Variants in ATP10B observed in about 807,000 individuals in gnomAD.
The protein encoded by ATP10B is phospholipid-transporting ATPase VB.
A neutral mutation model predicts 141.2 loss-of-function variants in ATP10B; 122 were observed. The ratio of observed to expected loss-of-function variants is 0.86; its 90% CI spans 0.75 to 1.00. The LOEUF (loss-of-function observed/expected upper bound fraction) is 1.00. Ranked by LOEUF, ATP10B falls within the 50% of genes least tolerant of loss-of-function variation. The probability of loss-of-function intolerance (pLI) is 0.00; values close to 1 mark genes in which losing one functional copy is unlikely to be tolerated. For missense variants in ATP10B, 1,876 were observed against 1,825.3 expected (o/e 1.03, Z -0.51); for synonymous variants, 685 against 692.0 (o/e 0.99, Z 0.16).
intron 1 of ATP10B, among the ~76,000 whole-genome samples, chr5:160,827,149 A>G (rs963623953): frequency 6.6e-6 from 1 of 152,186 alleles, no homozygotes; most frequent in Non-Finnish European, 1.5e-5. Flanking sequence ...TCAGGTGGGC[A>G]TCATGGTCCT....
chr5:160,893,668 T>A, the ATP10B span, among the ~76,000 whole-genome samples: 1 of 152,178 alleles, frequency 6.6e-6, no homozygotes, highest in Non-Finnish European at 1.5e-5. Flanking sequence ...GAGCGGTGGA[T>A]CTCCCAGCAC....
chr5:160,838,298 C>G (rs1342275608), intron 1 of ATP10B, among the ~76,000 whole-genome samples: 1 of 152,068 alleles, frequency 6.6e-6, no homozygotes, highest in Admixed American at 6.6e-5. Flanking sequence ...GAAAACAGCC[C>G]ACCTACACCA....
At chr5:160,748,155 G>A (rs917480842) in intron 2 of ATP10B, among the ~76,000 whole-genome samples, 2 of 152,144 alleles carry the variant, frequency 1.3e-5, no homozygotes. Flanking sequence ...GATTACTGCA[G>A]TACCGCTTTT....
At chr5:160,915,073 G>A in the ATP10B span, among the ~76,000 whole-genome samples, 6 of 152,176 alleles carry the variant, frequency 3.9e-5, no homozygotes, top group Admixed American at 6.5e-5. Flanking sequence ...TTCAGAATCA[G>A]GAGTCCTGGG....
chr5:160,744,143 C>T (rs942986089), intron 2 of ATP10B, among the ~76,000 whole-genome samples: 36 of 152,124 alleles, frequency 2.4e-4, no homozygotes, highest in Non-Finnish European at 4.0e-4. Flanking sequence ...CCTCATCATA[C>T]GAATTAAATA....
the ATP10B span, among the ~76,000 whole-genome samples, chr5:160,885,889 C>A: frequency 6.6e-6 from 1 of 152,146 alleles, no homozygotes; most frequent in Non-Finnish European, 1.5e-5. Context: ...AGATACACGT[C>A]CTCTTGCTCC....
intron 13 of ATP10B, among the ~76,000 whole-genome samples, chr5:160,627,069 A>G (rs1395449117): frequency 1.3e-5 from 2 of 151,960 alleles, no homozygotes; most frequent in Non-Finnish European, 2.9e-5. Flanking sequence ...ACAATTCTCC[A>G]TCTTGCTTCT....
At chr5:160,744,341 C>T (rs1177966677) in intron 2 of ATP10B, among the ~76,000 whole-genome samples, 1 of 152,178 alleles carries the variant, frequency 6.6e-6, no homozygotes, top group African/African-American at 2.4e-5. Flanking sequence ...TGTCATTTCT[C>T]CCAGACCCCA....
chr5:160,746,199 C>T (rs190887649), intron 2 of ATP10B, among the ~76,000 whole-genome samples: 17 of 152,298 alleles, frequency 1.1e-4, no homozygotes, highest in African/African-American at 4.1e-4. Flanking sequence ...CTATCTCTCT[C>T]ACATCCCTGC....
At chr5:160,898,048 G>A in the ATP10B span, among the ~76,000 whole-genome samples, 1 of 152,120 alleles carries the variant, frequency 6.6e-6, no homozygotes, top group Non-Finnish European at 1.5e-5. Context: ...ACTCAAGATG[G>A]ATTAAAGACT....
At chr5:160,585,018 ATC>A (rs1241578221) in intron 24 of ATP10B, among the ~76,000 whole-genome samples, 1 of 152,234 alleles carries the variant, frequency 6.6e-6, no homozygotes, top group African/African-American at 2.4e-5. Context: ...ATTATGATAT[ATC>A]CAGGCAATAC....
At chr5:160,819,821 A>C (rs73305807) in intron 1 of ATP10B, among the ~76,000 whole-genome samples, 1 of 152,158 alleles carries the variant, frequency 6.6e-6, no homozygotes, top group African/African-American at 2.4e-5. Flanking sequence ...ATCAAAAAAC[A>C]TATAATGGAT....
chr5:160,896,026 C>A, the ATP10B span, among the ~76,000 whole-genome samples: 1 of 152,192 alleles, frequency 6.6e-6, no homozygotes, highest in South Asian at 2.1e-4. Context: ...ATACTGGAAT[C>A]TCTGGGACAC....
intron 2 of ATP10B, among the ~76,000 whole-genome samples, chr5:160,726,677 G>C (rs985468992): frequency 2.0e-5 from 3 of 149,220 alleles, no homozygotes; most frequent in Non-Finnish European, 3.0e-5. Context: ...GAAGGAGTAG[G>C]GGGGGAGGAG....
intron 1 of ATP10B, among the ~76,000 whole-genome samples, chr5:160,792,823 G>A (rs1439004428): frequency 1.3e-5 from 2 of 152,114 alleles, no homozygotes; most frequent in African/African-American, 2.4e-5. Context: ...CCTGTGGGTC[G>A]AAGTCTGGCT....
At chr5:160,680,357 C>T (rs1561744899) in intron 6 of ATP10B, among the ~76,000 whole-genome samples, 1 of 152,078 alleles carries the variant, frequency 6.6e-6, no homozygotes, top group Non-Finnish European at 1.5e-5. Context: ...GTCATGTGTC[C>T]TTGATATGGC....
chr5:160,816,397 T>A (rs956444384), intron 1 of ATP10B, among the ~76,000 whole-genome samples: 1 of 151,616 alleles, frequency 6.6e-6, no homozygotes, highest in Non-Finnish European at 1.5e-5. Flanking sequence ...CACTAGAAAA[T>A]CTAGAAGAAA....
intron 1 of ATP10B, among the ~76,000 whole-genome samples, chr5:160,812,014 CAGAGACAGAGAGAGAGAG>C (rs1440691916): frequency 0.07 from 8,197 of 117,846 alleles, 295 homozygotes; most frequent in Non-Finnish European, 0.091. Flanking sequence ...GAGACAGAGA[CAGAGACAGAGAGAGAGAG>C]AGAGAGAGAG....
the ATP10B span, among the ~76,000 whole-genome samples, chr5:160,922,654 CAAAAACCAATCTG>C: frequency 5.3e-5 from 8 of 152,316 alleles, no homozygotes; most frequent in African/African-American, 1.9e-4. Flanking sequence ...GCAAACCAAA[CAAAAACCAATCTG>C]AAAAACAAAT....
Sources: allele counts gnomAD v4.1 joint callset (sites outside exome capture counted in the v4.1 genomes callset), GRCh38; gene constraint gnomAD v4.1.1; transcripts MANE v1.5; gene names NCBI Gene and HGNC (gene_info 2026-07-23, HGNC 2026-07-21).